NAA20: variants seen among roughly 807,000 people sequenced by gnomAD.
NAA20 encodes N-alpha-acetyltransferase 20.
NAA20 carries 24 observed loss-of-function variants against 23.8 expected under a neutral mutation model. The ratio of observed to expected loss-of-function variants is 1.01; its 90% CI spans 0.73 to 1.42. The LOEUF is 1.42. Ranked by LOEUF, NAA20 falls within the 40% of genes most tolerant of loss-of-function variation. The pLI is 0.00. For missense variants in NAA20, 166 were observed against 223.1 expected (o/e 0.74, Z 1.63); for synonymous variants, 83 against 77.7 (o/e 1.07, Z -0.36).
At chr20:20,025,612 C>T (rs896774615) in intron 2 of NAA20, 65 bp from the exon 3 acceptor site, 3 of 1,210,412 alleles carry the variant, frequency 2.5e-6, no homozygotes, top group Non-Finnish European at 3.7e-6. Context: ...ACTTTTTTTA[C>T]AATATCCCTT....
intron 1 of NAA20, among the ~76,000 whole-genome samples, chr20:20,019,658 C>T (rs773126092): frequency 6.6e-6 from 1 of 152,208 alleles, no homozygotes; most frequent in Non-Finnish European, 1.5e-5. Flanking sequence ...AATCCTAGGT[C>T]GCTTTAGTCT....
chr20:20,027,258 A>G (rs62203273), intron 4 of NAA20, among the ~76,000 whole-genome samples: 14,205 of 152,262 alleles, frequency 0.093, 737 homozygotes, highest in South Asian at 0.23. Context: ...TGGCATCTGA[A>G]TAAATTTTTA....
chr20:20,027,020 A>G, intron 4 of NAA20, 101 bp downstream of exon 4: 1 of 1,440,936 alleles, frequency 6.9e-7, no homozygotes, highest in Non-Finnish European at 9.6e-7. Context: ...GTTCACAGGA[A>G]TTTCATCTTC....
At chr20:20,019,910 T>C (rs1344741497) in intron 1 of NAA20, among the ~76,000 whole-genome samples, 1 of 152,196 alleles carries the variant, frequency 6.6e-6, no homozygotes, top group Non-Finnish European at 1.5e-5. Context: ...TTTACTTGCC[T>C]CTTTGATTAG....
intron 4 of NAA20, among the ~76,000 whole-genome samples, chr20:20,027,299 C>G (rs1460768316): frequency 6.6e-6 from 1 of 152,158 alleles, no homozygotes; most frequent in Non-Finnish European, 1.5e-5. Flanking sequence ...GAAAATAGTT[C>G]AGTCTTAAGC....
At chr20:20,018,709 CTG>C (rs1407047197) in intron 1 of NAA20, 8 of 163,520 alleles carry the variant, frequency 4.9e-5, no homozygotes, top group Non-Finnish European at 7.6e-5. Context: ...TTGGGCCAGT[CTG>C]GTAGCTACGG....
At chr20:20,032,363 A>G (rs1308192060) in intron 4 of NAA20, 145 bp from the exon 5 acceptor site, 9 of 608,592 alleles carry the variant, frequency 1.5e-5, no homozygotes, top group Non-Finnish European at 2.1e-5. Context: ...TTCTATTACC[A>G]TGTAATCAGC....
intron 1 of NAA20, chr20:20,018,203 AC>A: frequency 2.1e-5 from 19 of 892,704 alleles, no homozygotes; most frequent in South Asian, 2.0e-4. Context: ...ATTTGCAGGT[AC>A]CAATTTTTTT....
chr20:20,018,119 A>G, intron 1 of NAA20: 1 of 1,601,584 alleles, frequency 6.2e-7, no homozygotes, highest in Non-Finnish European at 8.6e-7. Flanking sequence ...GTCACGGCAG[A>G]TCTTAGGGGA....
At position 20,025,686 on chromosome 20, in the gene NAA20, C is replaced by A; in HGVS notation, c.88C>A (p.Pro30Thr). The A allele has an allele frequency of 6.2e-7, 1 of 1,609,722 alleles. No homozygotes were observed. Among genetic ancestry groups the A allele is most frequent in the Non-Finnish European group, 8.5e-7 (1 of 1,176,040 alleles). The change falls in exon 3 of 6, where the codon CCT (proline) becomes ACT (threonine). Residue 30 changes from proline to threonine, a missense_variant. Transcript: ENST00000334982. ...LDPLTETYGI[P>T]FYLQYLAHWP... is the part of the protein sequence containing the mutation. ...CTTAACAGGACTCTAGTATGGGATTCCTTTCTACCTACAATACCTCGCCCA... is the reference window on the plus strand; with the variant it reads ...CTTAACAGGACTCTAGTATGGGATTACTTTCTACCTACAATACCTCGCCCA...
Position 20,025,730 on chromosome 20 carries a change from T to C in NAA20, c.132T>C (p.Ile44=), listed in dbSNP as rs1186666844. Reference sequence around the variant, plus strand: ...TCGCCCACTGGCCAGAGTATTTCATTGTTGCAGAGGCACCTGGTGGAGAAT... The same window carrying C: ...TCGCCCACTGGCCAGAGTATTTCATCGTTGCAGAGGCACCTGGTGGAGAAT... ...QYLAHWPEYF[I]VAEAPGGELM... is the part of the protein sequence containing the mutation. Residue 44 remains isoleucine, a synonymous_variant, in exon 3 of 6, where the codon ATT becomes ATC. Transcript: ENST00000334982. The C allele has an allele frequency of 1.2e-6, 2 of 1,611,656 alleles. No individual in the cohort carries two copies. Among genetic ancestry groups the C allele is most frequent in the Admixed American group, 1.7e-5 (1 of 60,024 alleles).
At chr20:20,019,719 G>A (rs2043255213) in intron 1 of NAA20, among the ~76,000 whole-genome samples, 3 of 152,114 alleles carry the variant, frequency 2.0e-5, no homozygotes, top group African/African-American at 7.2e-5. Flanking sequence ...CGAGTAGTTG[G>A]GACTACAGGC....
intron 1 of NAA20, among the ~76,000 whole-genome samples, chr20:20,019,737 G>A (rs1308414160): frequency 6.6e-6 from 1 of 152,092 alleles, no homozygotes; most frequent in African/African-American, 2.4e-5. Flanking sequence ...GGCACGTGCT[G>A]CCACACCCCA....
chr20:20,018,867 A>G, intron 1 of NAA20: 2 of 985,298 alleles, frequency 2.0e-6, no homozygotes, highest in Non-Finnish European at 2.4e-6. Flanking sequence ...GAATTGGCCC[A>G]GGTGAGAATG....
chr20:20,018,066 T>A (rs557191531), intron 1 of NAA20: 1 of 1,614,176 alleles, frequency 6.2e-7, no homozygotes, highest in African/African-American at 1.3e-5. Flanking sequence ...GTTTAGTTAC[T>A]GTAGCTGCGC....
upstream of NAA20, chr20:20,017,341 C>G: frequency 2.5e-6 from 4 of 1,605,028 alleles, no homozygotes; most frequent in Non-Finnish European, 3.4e-6. Context: ...CGGGAGACTT[C>G]CGGCAGGGCG....
intron 1 of NAA20, chr20:20,017,713 T>A: frequency 4.2e-6 from 6 of 1,428,420 alleles, no homozygotes; most frequent in Non-Finnish European, 5.5e-6. Context: ...AGCTGGCAGG[T>A]TCTGGGGCAG....
intron 1 of NAA20, among the ~76,000 whole-genome samples, chr20:20,019,757 A>G (rs1568744711): frequency 6.6e-6 from 1 of 151,938 alleles, no homozygotes; most frequent in Non-Finnish European, 1.5e-5. Flanking sequence ...ACTAATTTTT[A>G]AATTTTTTTG....
chr20:20,030,653 AAT>A (rs1456099649), intron 4 of NAA20, among the ~76,000 whole-genome samples: 4 of 152,030 alleles, frequency 2.6e-5, no homozygotes, highest in African/African-American at 9.7e-5. Flanking sequence ...ATTTAGAATT[AAT>A]AAAAGGCAAA....
Sources: gnomAD v4.1 joint callset for allele counts (sites outside exome capture counted in the v4.1 genomes callset) on GRCh38, gnomAD v4.1.1 for gene constraint, MANE v1.5 for transcripts, NCBI Gene and HGNC (gene_info 2026-07-23, HGNC 2026-07-21) for gene names.